Variants in TMTC1 observed in about 807,000 individuals in gnomAD.
TMTC1 encodes the protein protein O-mannosyl-transferase TMTC1.
A neutral mutation model predicts 104.8 loss-of-function variants in TMTC1; 73 were observed. The ratio of observed to expected loss-of-function variants is 0.70; its 90% CI spans 0.58 to 0.85. TMTC1 has a LOEUF of 0.85. Among genes scored for constraint, TMTC1 ranks in the 40% least tolerant of loss-of-function variants. TMTC1 has a pLI of 0.00. For missense variants in TMTC1, 1,035 were observed against 1,096.1 expected (o/e 0.94, Z 0.79); for synonymous variants, 434 against 428.7 (o/e 1.01, Z -0.15).
rs554457707 is a variant in TMTC1, at chr12:29,676,865, G to T, written c.939-43529C>A. 3.3e-5 allele frequency among the ~76,000 whole-genome samples: 5 copies of T among 152,300 alleles called. No homozygotes were observed. The East Asian group carries it at 9.7e-4, about 29-fold the overall frequency. ...AGGCCATATCAGTGTGGGCAGTTGGGGAGTCATTAAGTCTTGACAGAGCTG... is the reference window on the plus strand; with the variant it reads ...AGGCCATATCAGTGTGGGCAGTTGGTGAGTCATTAAGTCTTGACAGAGCTG... On this transcript the variant is annotated intron_variant, in intron 5 of 17. Transcript: ENST00000539277.
rs111861162 is a variant in TMTC1, at chr12:29,683,929, C to A, written c.939-50593G>T. 9.9e-3 allele frequency among the ~76,000 whole-genome samples: 1,504 copies of A among 151,784 alleles called. 31 individuals carry two copies. Among genetic ancestry groups the A allele is most frequent in the African/African-American group, 0.035 (1,428 of 41,328 alleles). ...TATGATCTCGGCTCACTGCAACCTC[C>A]GTCTCCCAGGCTCAAGCAATCCTCC... On this transcript the variant is annotated intron_variant, in intron 5 of 17. Coordinates refer to ENST00000539277, the MANE Select transcript of TMTC1 (RefSeq NM_001193451.2).
intron 5 of TMTC1, among the ~76,000 whole-genome samples, chr12:29,696,745 G>A (rs142417675): frequency 6.6e-6 from 1 of 152,180 alleles, no homozygotes; most frequent in African/African-American, 2.4e-5. Flanking sequence ...AGTAGGGTAG[G>A]AAATAAATAG....
At chr12:29,518,747 G>A in intron 12 of TMTC1, 140 bp from the exon 13 acceptor site, 2 of 1,071,622 alleles carry the variant, frequency 1.9e-6, no homozygotes, top group Non-Finnish European at 2.6e-6. Context: ...AAATTAGCTT[G>A]CATTTCAGCT....
intron 6 of TMTC1, among the ~76,000 whole-genome samples, chr12:29,617,355 G>A (rs1947010529): frequency 6.6e-6 from 1 of 152,030 alleles, no homozygotes; most frequent in Non-Finnish European, 1.5e-5. Flanking sequence ...CCTGGTCATT[G>A]ATTATTCATT....
At chr12:29,614,259 T>C (rs1946920753) in intron 6 of TMTC1, among the ~76,000 whole-genome samples, 1 of 152,242 alleles carries the variant, frequency 6.6e-6, no homozygotes, top group African/African-American at 2.4e-5. Flanking sequence ...CTGTTATCTG[T>C]CAATGTACTC....
chr12:29,514,844 C>T (rs1427898895), intron 15 of TMTC1, among the ~76,000 whole-genome samples: 1 of 151,898 alleles, frequency 6.6e-6, no homozygotes, highest in Non-Finnish European at 1.5e-5. Context: ...GAAACCCTGT[C>T]TCTACAAAAA....
At chr12:29,521,575 T>TTC (rs1210714546) in intron 11 of TMTC1, among the ~76,000 whole-genome samples, 1 of 148,760 alleles carries the variant, frequency 6.7e-6, no homozygotes, top group East Asian at 1.9e-4. Context: ...TCTTTTTTTT[T>TTC]TTTTTTTTGA....
At chr12:29,594,687 C>T (rs925035444) in intron 7 of TMTC1, among the ~76,000 whole-genome samples, 1 of 152,204 alleles carries the variant, frequency 6.6e-6, no homozygotes, top group African/African-American at 2.4e-5. Context: ...AATGGCAACA[C>T]TTAGGTCCAC....
intron 2 of TMTC1, among the ~76,000 whole-genome samples, chr12:29,766,176 T>C (rs1051621744): frequency 9.9e-5 from 15 of 152,190 alleles, no homozygotes; most frequent in Non-Finnish European, 2.1e-4. Flanking sequence ...CCTTTCACAG[T>C]GTAATTTTTT....
chr12:29,611,576 T>G (rs962301449), intron 6 of TMTC1, among the ~76,000 whole-genome samples: 2 of 152,242 alleles, frequency 1.3e-5, no homozygotes, highest in Non-Finnish European at 2.9e-5. Context: ...TTTTCCTGAT[T>G]AGAATGCAAC....
intron 10 of TMTC1, among the ~76,000 whole-genome samples, chr12:29,539,771 T>A (rs1355641796): frequency 6.6e-6 from 1 of 152,220 alleles, no homozygotes; most frequent in East Asian, 1.9e-4. Context: ...GATTTGAGAA[T>A]CATGGATAGA....
chr12:29,600,693 C>T (rs1332842133), intron 7 of TMTC1, among the ~76,000 whole-genome samples: 4 of 152,176 alleles, frequency 2.6e-5, no homozygotes, highest in Non-Finnish European at 5.9e-5. Context: ...GGCTGAGTGA[C>T]CTGACCCTTT....
chr12:29,511,560 A>G (rs1943837770), intron 17 of TMTC1, among the ~76,000 whole-genome samples: 1 of 152,220 alleles, frequency 6.6e-6, no homozygotes, highest in South Asian at 2.1e-4. Flanking sequence ...TTGGAAAAAC[A>G]AAACAAAGCA....
Position 29,675,299 on chromosome 12 carries a change from C to T in TMTC1, c.939-41963G>A, listed in dbSNP as rs558257337. Among the ~76,000 whole-genome samples the T allele has an allele frequency of 4.6e-5, 7 of 152,242 alleles. No individual in the cohort carries two copies. In the South Asian group the frequency reaches 8.3e-4, roughly 18 times the overall value. On this transcript the variant is annotated intron_variant, in intron 5 of 17. Coordinates refer to ENST00000539277, the MANE Select transcript of TMTC1 (RefSeq NM_001193451.2). ...TAAACTTAACTCAAGTCCAACTGAA[C>T]GTCCACTGAAAGTTTTCCAGTCTAA...
chr12:29,521,535 T>A (rs1376924169), intron 11 of TMTC1, among the ~76,000 whole-genome samples: 1 of 151,924 alleles, frequency 6.6e-6, no homozygotes, highest in African/African-American at 2.4e-5. Context: ...TCTGAGTTAC[T>A]TTTTAGGTAC....
At chr12:29,733,960 A>G (rs562937483) in intron 5 of TMTC1, among the ~76,000 whole-genome samples, 4 of 152,216 alleles carry the variant, frequency 2.6e-5, no homozygotes, top group Admixed American at 2.6e-4. Flanking sequence ...GAAGTTGTTT[A>G]TCTGTTTTTC....
chr12:29,577,798 A>T (rs918189245), intron 8 of TMTC1, among the ~76,000 whole-genome samples: 2 of 152,194 alleles, frequency 1.3e-5, no homozygotes, highest in Non-Finnish European at 2.9e-5. Context: ...TTTGAATGTT[A>T]AAAAGCAACT....
intron 5 of TMTC1, among the ~76,000 whole-genome samples, chr12:29,653,937 C>T (rs1028442164): frequency 2.6e-5 from 4 of 152,172 alleles, no homozygotes; most frequent in African/African-American, 9.7e-5. Flanking sequence ...AAAACATAAT[C>T]TTCATACAAA....
intron 14 of TMTC1, 75 bp downstream of exon 14, chr12:29,517,352 G>T: frequency 6.5e-7 from 1 of 1,531,282 alleles, no homozygotes. Context: ...CCAGTTTTGA[G>T]GCGTGAGGAC....
Sources: allele counts gnomAD v4.1 joint callset (sites outside exome capture counted in the v4.1 genomes callset), GRCh38; gene constraint gnomAD v4.1.1; transcripts MANE v1.5; gene names NCBI Gene and HGNC (gene_info 2026-07-23, HGNC 2026-07-21).